INSYN2B: variants seen among roughly 807,000 people sequenced by gnomAD.
INSYN2B encodes the protein protein INSYN2B.
In INSYN2B, 16 loss-of-function variants were observed where a neutral mutation model predicts 41.2. The ratio of observed to expected loss-of-function variants is 0.39; its 90% CI spans 0.26 to 0.59. The LOEUF is 0.59. Ranked by LOEUF, INSYN2B falls within the 20% of genes least tolerant of loss-of-function variation. The pLI, the probability that INSYN2B is intolerant of heterozygous loss-of-function variation, is 0.57. For missense variants in INSYN2B, 608 were observed against 646.4 expected (o/e 0.94, Z 0.64); for synonymous variants, 245 against 244.4 (o/e 1.00, Z -0.02).
At chr5:169,932,597 A>C (rs963108218) in intron 1 of INSYN2B, among the ~76,000 whole-genome samples, 3 of 152,142 alleles carry the variant, frequency 2.0e-5, no homozygotes, top group African/African-American at 7.2e-5. Flanking sequence ...ACTGACCACA[A>C]GGTGAGGGCC....
intron 1 of INSYN2B, among the ~76,000 whole-genome samples, chr5:169,934,407 C>A (rs575372748): frequency 6.6e-6 from 1 of 152,324 alleles, no homozygotes; most frequent in South Asian, 2.1e-4. Flanking sequence ...TATCCGCATG[C>A]CCGTGAATCA....
chr5:169,973,840 C>T (rs1337404495), intron 1 of INSYN2B, among the ~76,000 whole-genome samples: 3 of 152,146 alleles, frequency 2.0e-5, no homozygotes, highest in African/African-American at 7.2e-5. Flanking sequence ...ATCTAGCTAG[C>T]TTTATCCATA....
intron 1 of INSYN2B, among the ~76,000 whole-genome samples, chr5:169,935,303 A>G (rs1242133042): frequency 6.6e-6 from 1 of 152,200 alleles, no homozygotes; most frequent in African/African-American, 2.4e-5. Context: ...TCGACCAAAA[A>G]AAGGTCTCAT....
At chr5:169,880,901 C>G (rs1772603038) in intron 3 of INSYN2B, among the ~76,000 whole-genome samples, 2 of 152,288 alleles carry the variant, frequency 1.3e-5, no homozygotes, top group Admixed American at 6.5e-5. Context: ...AAGTTCTTAT[C>G]ATGGTTCTTG....
intron 1 of INSYN2B, among the ~76,000 whole-genome samples, chr5:169,905,700 C>T (rs1327598143): frequency 6.6e-6 from 1 of 152,132 alleles, no homozygotes; most frequent in African/African-American, 2.4e-5. Context: ...TACAGCACCT[C>T]TGGGAGGGGC....
At chr5:169,894,929 G>A (rs950506722) in intron 1 of INSYN2B, among the ~76,000 whole-genome samples, 3 of 152,200 alleles carry the variant, frequency 2.0e-5, no homozygotes, top group Admixed American at 6.5e-5. Flanking sequence ...CCGTCTGCTG[G>A]TTTTGGTGTT....
intron 3 of INSYN2B, among the ~76,000 whole-genome samples, chr5:169,874,210 C>A (rs1772166980): frequency 6.6e-6 from 1 of 151,994 alleles, no homozygotes; most frequent in African/African-American, 2.4e-5. Context: ...GTCAGGGGTT[C>A]AAGACCAGCC....
intron 1 of INSYN2B, among the ~76,000 whole-genome samples, chr5:169,949,919 G>A (rs562439746): frequency 2.2e-4 from 33 of 152,106 alleles, no homozygotes; most frequent in African/African-American, 6.8e-4. Flanking sequence ...CTTCTTTCTC[G>A]ATTTTCTTTT....
chr5:169,929,293 C>T (rs965715673), intron 1 of INSYN2B, among the ~76,000 whole-genome samples: 1 of 152,174 alleles, frequency 6.6e-6, no homozygotes, highest in Non-Finnish European at 1.5e-5. Flanking sequence ...CTTTCCTTTC[C>T]CCATTGACAC....
chr5:169,886,566 A>G (rs1001562807), intron 1 of INSYN2B, among the ~76,000 whole-genome samples: 2 of 152,208 alleles, frequency 1.3e-5, no homozygotes, highest in Non-Finnish European at 2.9e-5. Context: ...CATTAATAGT[A>G]ACAAATATGT....
chr5:169,936,253 C>T (rs1485199354), intron 1 of INSYN2B, among the ~76,000 whole-genome samples: 6 of 152,212 alleles, frequency 3.9e-5, no homozygotes, highest in Admixed American at 3.9e-4. Context: ...GTGCATGGTT[C>T]TACAGACAAG....
chr5:169,862,864 C>T lies in INSYN2B; in HGVS notation c.*1409G>A, dbSNP rs1305782028. On this transcript the variant is annotated 3_prime_UTR_variant, in exon 4 of 4. Coordinates refer to ENST00000377365, the MANE Select transcript of INSYN2B (RefSeq NM_001129891.3). ...CGAACACACAGGATTCTGTGCTCTGCAAAGATTCTAGCTTAGACACTGGAT... is the reference window on the plus strand; with the variant it reads ...CGAACACACAGGATTCTGTGCTCTGTAAAGATTCTAGCTTAGACACTGGAT... 6.6e-6 allele frequency among the ~76,000 whole-genome samples: 1 copy of T among 152,214 alleles called. No homozygotes were observed. The highest frequency in any genetic ancestry group is 1.5e-5 in the Non-Finnish European group (1 of 68,032).
chr5:169,880,702 T>C (rs564515751), intron 3 of INSYN2B, among the ~76,000 whole-genome samples: 2 of 152,342 alleles, frequency 1.3e-5, no homozygotes, highest in South Asian at 4.1e-4. Context: ...TAGGGATAAT[T>C]GTTCCCTATT....
chr5:169,943,349 T>C (rs1219943528), intron 1 of INSYN2B, among the ~76,000 whole-genome samples: 1 of 152,076 alleles, frequency 6.6e-6, no homozygotes, highest in East Asian at 1.9e-4. Context: ...CCAGGCCCTG[T>C]GGACAGGCAA....
chr5:169,864,715 G>T (rs1771430329), intron 3 of INSYN2B, among the ~76,000 whole-genome samples: 1 of 152,200 alleles, frequency 6.6e-6, no homozygotes, highest in African/African-American at 2.4e-5. Flanking sequence ...CTGATGGCAA[G>T]TGTTCTGTAA....
At chr5:169,949,494 T>A (rs1478755256) in intron 1 of INSYN2B, among the ~76,000 whole-genome samples, 1 of 151,860 alleles carries the variant, frequency 6.6e-6, no homozygotes, top group African/African-American at 2.4e-5. Flanking sequence ...GAGAAATAAC[T>A]TGTAAAAGTA....
chr5:169,922,975 G>T (rs1430715183), intron 1 of INSYN2B, among the ~76,000 whole-genome samples: 1 of 152,200 alleles, frequency 6.6e-6, no homozygotes, highest in Non-Finnish European at 1.5e-5. Context: ...ATATCGAATT[G>T]TGAATTTCTC....
At chr5:169,975,590 T>C (rs1777688489) in intron 1 of INSYN2B, among the ~76,000 whole-genome samples, 1 of 152,174 alleles carries the variant, frequency 6.6e-6, no homozygotes, top group Non-Finnish European at 1.5e-5. Flanking sequence ...TGCCAGATTT[T>C]TGCATGACCC....
At chr5:169,907,554 A>T (rs1452413935) in intron 1 of INSYN2B, among the ~76,000 whole-genome samples, 1 of 152,248 alleles carries the variant, frequency 6.6e-6, no homozygotes, top group Non-Finnish European at 1.5e-5. Flanking sequence ...ATAGTGGCAG[A>T]GGCTTTACAG....
Sources: gnomAD v4.1 joint callset for allele counts (sites outside exome capture counted in the v4.1 genomes callset) on GRCh38, gnomAD v4.1.1 for gene constraint, MANE v1.5 for transcripts, NCBI Gene and HGNC (gene_info 2026-07-23, HGNC 2026-07-21) for gene names.